Variants in ABI2 observed in about 807,000 individuals in gnomAD.
ABI2 encodes abl interactor 2, also known as abelson interactor 2.
Under a neutral mutation model 59.2 loss-of-function variants are expected in ABI2, and 25 were observed. That is an observed-to-expected ratio of 0.42 (90% confidence interval 0.31 to 0.59). ABI2 has a LOEUF of 0.59. ABI2 is among the 20% of genes least tolerant of loss of function. The pLI is 0.14. For synonymous variants in ABI2, 213 were observed against 235.5 expected, an observed-to-expected ratio of 0.90 and a Z score of 0.87; for missense variants, 545 against 681.8, an observed-to-expected ratio of 0.80 and a Z score of 2.23.
chr2:203,396,570 G>T (rs1247870779), intron 7 of ABI2, among the ~76,000 whole-genome samples: 1 of 152,060 alleles, frequency 6.6e-6, no homozygotes, highest in Admixed American at 6.5e-5. Context: ...TGTTTTTAAT[G>T]AATTGAAAAA....
intron 9 of ABI2, among the ~76,000 whole-genome samples, 197 bp downstream of exon 9, chr2:203,402,931 C>T (rs562353831): frequency 9.2e-5 from 14 of 152,214 alleles, no homozygotes; most frequent in Admixed American, 9.2e-4. Context: ...GTGATTTCCA[C>T]GTAAAGTCAT....
In ABI2 at chr2:203,333,011, CAT is replaced by C. The variant is rs1324135340; in HGVS notation, c.117+4383_117+4384del. On this transcript the variant is annotated intron_variant, in intron 1 of 11. Transcript: ENST00000261018. ...TGAAATATTTTTGAACAATAGGAGA[CAT>C]ATTAGTAGCTTTCCTTTTCTTCTCT... is the stretch of plus-strand genomic sequence containing the variant. Among the ~76,000 whole-genome samples, 6 of 152,212 alleles carry C rather than the reference CAT, an allele frequency of 3.9e-5. No homozygotes were observed. In the East Asian group the frequency reaches 9.6e-4, roughly 24 times the overall value.
At chr2:203,378,669 C>A (rs2095880764) in intron 2 of ABI2, among the ~76,000 whole-genome samples, 1 of 152,118 alleles carries the variant, frequency 6.6e-6, no homozygotes, top group Non-Finnish European at 1.5e-5. Flanking sequence ...ATTATCTTTT[C>A]ACTGTTACTA....
chr2:203,328,983 C>T (rs992926372), intron 1 of ABI2: 9 of 189,254 alleles, frequency 4.8e-5, no homozygotes, highest in Admixed American at 1.2e-4. Flanking sequence ...AATCCTGCTC[C>T]CCACCTTAGG....
At chr2:203,395,386 A>G (rs919433601) in intron 6 of ABI2, among the ~76,000 whole-genome samples, 1 of 149,988 alleles carries the variant, frequency 6.7e-6, no homozygotes, top group Admixed American at 6.7e-5. Context: ...TGTGGTCAAA[A>G]CAAGCTTATT....
intron 1 of ABI2, chr2:203,355,203 A>G: frequency 2.5e-6 from 1 of 405,800 alleles, no homozygotes; most frequent in Non-Finnish European, 5.2e-6. Flanking sequence ...GACAAAGAAT[A>G]CATGGAAAGT....
intron 1 of ABI2, among the ~76,000 whole-genome samples, chr2:203,336,496 C>G (rs1000244399): frequency 3.3e-5 from 5 of 152,138 alleles, no homozygotes; most frequent in African/African-American, 1.2e-4. Flanking sequence ...CTTCATCTGC[C>G]GAGGAGGCTG....
At chr2:203,331,444 C>T (rs754042728) in intron 1 of ABI2, among the ~76,000 whole-genome samples, 2 of 147,220 alleles carry the variant, frequency 1.4e-5, no homozygotes, top group Admixed American at 1.4e-4. Context: ...CTGCAACCTC[C>T]GCCTCCTGGG....
chr2:203,384,290 G>GT (rs796117154), intron 4 of ABI2, among the ~76,000 whole-genome samples: 1 of 26,108 alleles, frequency 3.8e-5, no homozygotes, highest in African/African-American at 1.6e-4. Flanking sequence ...TTTTGTTTTT[G>GT]TTTTTTTTTT....
At chr2:203,346,659 A>G (rs777284291) in intron 1 of ABI2, among the ~76,000 whole-genome samples, 2 of 152,144 alleles carry the variant, frequency 1.3e-5, no homozygotes, top group Non-Finnish European at 2.9e-5. Flanking sequence ...TCTCTTTCTC[A>G]TTCCATGTTT....
chr2:203,427,452 A>G lies in ABI2; in HGVS notation c.*100A>G. 9.2e-7 allele frequency: 1 copy of G among 1,091,106 alleles called. No individual in the cohort carries two copies. The highest frequency in any genetic ancestry group is 1.3e-6 in the Non-Finnish European group (1 of 785,970). 67.6% of individuals were successfully genotyped at this position (1,091,106 alleles called of 1,614,324 possible). The stretch of plus-strand genomic sequence containing the variant: ...ACTCCAGTAAAGTAGAATGAAGGAT[A>G]CAAATGATAAAAATTACACTTTTTT... On this transcript the variant is annotated 3_prime_UTR_variant, in exon 12 of 12. Transcript: ENST00000261018.
At chr2:203,339,304 G>A (rs1350910730) in intron 1 of ABI2, among the ~76,000 whole-genome samples, 2 of 151,808 alleles carry the variant, frequency 1.3e-5, no homozygotes, top group Non-Finnish European at 2.9e-5. Flanking sequence ...TTCCGGCCGG[G>A]TGTGGTGGCT....
intron 8 of ABI2, among the ~76,000 whole-genome samples, chr2:203,397,279 A>G (rs1401292154): frequency 6.6e-6 from 1 of 152,168 alleles, no homozygotes; most frequent in Non-Finnish European, 1.5e-5. Flanking sequence ...TATCATTAGA[A>G]ATATTTTCAT....
chr2:203,338,800 C>T (rs1026746642), intron 1 of ABI2, among the ~76,000 whole-genome samples: 2 of 150,354 alleles, frequency 1.3e-5, no homozygotes, highest in Admixed American at 1.3e-4. Context: ...AGAGTGACTA[C>T]ATCAAACTAA....
intron 5 of ABI2, among the ~76,000 whole-genome samples, chr2:203,393,087 G>A (rs2096834081): frequency 6.6e-6 from 1 of 152,124 alleles, no homozygotes; most frequent in South Asian, 2.1e-4. Context: ...TCTCACTGGA[G>A]TGCGGTTGTA....
rs1231163550 is a variant in ABI2 at position 203,380,437 on chromosome 2, A to G, written c.462+53A>G. 9 of 1,185,104 alleles carry G rather than the reference A, an allele frequency of 7.6e-6. No homozygotes were observed. The African/African-American group carries it at 7.9e-5, about 10-fold the overall frequency. The allele number at this position is 1,185,104 out of a possible 1,614,324, so 73.4% of individuals were successfully genotyped here. On this transcript the variant is annotated intron_variant, in intron 3 of 11. Transcript: ENST00000261018. ...AAAGTAGTAACCCATAATGAAACCA[A>G]CTCTTGAGAAAATTAAGCTTTTTAT...
intron 11 of ABI2, among the ~76,000 whole-genome samples, chr2:203,420,645 G>A (rs930158009): frequency 7.2e-5 from 11 of 151,926 alleles, no homozygotes; most frequent in Admixed American, 1.3e-4. Flanking sequence ...CGCCCACCTC[G>A]GCCTCCCAAA....
chr2:203,348,853 A>G (rs1403494152), intron 1 of ABI2, among the ~76,000 whole-genome samples: 1 of 152,066 alleles, frequency 6.6e-6, no homozygotes, highest in Admixed American at 6.6e-5. Context: ...TTTTATTTTT[A>G]ATTAAAAATT....
intron 1 of ABI2, among the ~76,000 whole-genome samples, chr2:203,361,396 G>A (rs997454150): frequency 1.3e-5 from 2 of 152,176 alleles, no homozygotes; most frequent in Admixed American, 6.5e-5. Flanking sequence ...CTGCTTGGGA[G>A]GCAGAGGCAG....
Sources: allele counts gnomAD v4.1 joint callset (sites outside exome capture counted in the v4.1 genomes callset), GRCh38; gene constraint gnomAD v4.1.1; transcripts MANE v1.5; gene names NCBI Gene and HGNC (gene_info 2026-07-23, HGNC 2026-07-21).